Variants in ADAMTSL1 observed in about 807,000 individuals in gnomAD.
The protein encoded by ADAMTSL1 is ADAMTS like 1.
ADAMTSL1 carries 126 observed loss-of-function variants against 201.8 expected under a neutral mutation model. The observed-to-expected ratio is 0.62, with a 90% CI of 0.54 to 0.72. ADAMTSL1 has a LOEUF of 0.72. ADAMTSL1 is among the 30% of genes least tolerant of loss of function. The probability of loss-of-function intolerance (pLI) is 0.00; values close to 1 mark genes in which losing one functional copy is unlikely to be tolerated. For synonymous variants in ADAMTSL1, 1,121 were observed against 903.4 expected, an observed-to-expected ratio of 1.24 and a Z score of -4.32; for missense variants, 2,679 against 2,277.8, an observed-to-expected ratio of 1.18 and a Z score of -3.59.
intron 2 of ADAMTSL1, among the ~76,000 whole-genome samples, chr9:18,520,484 A>G (rs1818627054): frequency 6.6e-6 from 1 of 152,256 alleles, no homozygotes; most frequent in Non-Finnish European, 1.5e-5. Flanking sequence ...TCTATGCCAA[A>G]GAAACACTTT....
chr9:18,691,454 G>C (rs1003367638), intron 13 of ADAMTSL1, among the ~76,000 whole-genome samples: 2 of 152,130 alleles, frequency 1.3e-5, no homozygotes, highest in Non-Finnish European at 2.9e-5. Context: ...CAGATATTTT[G>C]TATCATTATG....
rs765006925 is a variant in ADAMTSL1, at chr9:18,616,513, G to A, written c.475-5730G>A. ...TTGGTACTTTAATTATGGTGCTCCC[G>A]AGTGGTTTTTGATTTATTCATTTAT... On this transcript the variant is annotated intron_variant, in intron 4 of 28. Transcript: ENST00000380548. Among the ~76,000 whole-genome samples, 5 of 152,146 alleles carry A rather than the reference G, an allele frequency of 3.3e-5. No homozygotes were observed. The East Asian group carries it at 5.8e-4, about 18-fold the overall frequency.
intron 2 of ADAMTSL1, among the ~76,000 whole-genome samples, chr9:18,264,654 A>G (rs183144647): frequency 4.3e-4 from 66 of 152,244 alleles, no homozygotes; most frequent in Admixed American, 1.2e-3. Context: ...GCCACAGGGA[A>G]TTTCCACTTC....
chr9:18,856,263 CT>C (rs1563862183), intron 23 of ADAMTSL1, among the ~76,000 whole-genome samples: 1 of 152,012 alleles, frequency 6.6e-6, no homozygotes, highest in South Asian at 2.1e-4. Flanking sequence ...GCAATCATTA[CT>C]TTTTTTCAGG....
At chr9:18,408,557 GA>G (rs1343117546) in intron 2 of ADAMTSL1, among the ~76,000 whole-genome samples, 13 of 152,126 alleles carry the variant, frequency 8.5e-5, no homozygotes, top group African/African-American at 2.9e-4. Context: ...ATACCATATA[GA>G]AAAAACAAGT....
At chr9:18,125,963 A>C (rs1401658681) in intron 1 of ADAMTSL1, among the ~76,000 whole-genome samples, 7 of 152,148 alleles carry the variant, frequency 4.6e-5, no homozygotes, top group Admixed American at 2.6e-4. Flanking sequence ...GTGACCTGGG[A>C]CAAACTATTC....
At chr9:18,127,364 G>C (rs1825775069) in intron 1 of ADAMTSL1, among the ~76,000 whole-genome samples, 1 of 152,088 alleles carries the variant, frequency 6.6e-6, no homozygotes, top group Non-Finnish European at 1.5e-5. Flanking sequence ...AAATGACTAT[G>C]GGTGTGGGCA....
chr9:18,188,056 G>T lies in ADAMTSL1; in HGVS notation c.207+24075G>T, dbSNP rs116552572. 4.1e-3 allele frequency among the ~76,000 whole-genome samples: 618 copies of T among 152,122 alleles called. 5 individuals are homozygous for T. Among genetic ancestry groups the T allele is most frequent in the African/African-American group, 0.014 (590 of 41,494 alleles). On this transcript the variant is annotated intron_variant, in intron 2 of 29. Coordinates refer to the ADAMTSL1 transcript ENST00000680146. ...ATTCATCCTTAGAGCTAGGTACAGA[G>T]GGACGGAAGATAAACAAAATATCAT...
chr9:18,010,231 G>A (rs1270302768), intron 1 of ADAMTSL1, among the ~76,000 whole-genome samples: 1 of 151,990 alleles, frequency 6.6e-6, no homozygotes. Context: ...TTAAGCATTA[G>A]AGATTAGCTC....
chr9:18,879,919 A>ATTAAG lies in ADAMTSL1; in HGVS notation c.4250-7909_4250-7905dup, dbSNP rs573690405. ...CTCAAACCCTGCCACTGCTTTATTAATTAAGTTTATATAATATTCTAAATC... is the reference window on the plus strand; with the variant it reads ...CTCAAACCCTGCCACTGCTTTATTAATTAAGTTAAGTTTATATAATATTCTAAATC... On this transcript the variant is annotated intron_variant, in intron 23 of 28. Transcript: ENST00000380548. Among the ~76,000 whole-genome samples, 4 of 152,328 alleles carry ATTAAG rather than the reference A, an allele frequency of 2.6e-5. 1 individual carries two copies. The South Asian group carries it at 8.3e-4, about 32-fold the overall frequency.
chr9:18,221,819 G>A (rs946878891), intron 2 of ADAMTSL1, among the ~76,000 whole-genome samples: 1 of 151,898 alleles, frequency 6.6e-6, no homozygotes, highest in Non-Finnish European at 1.5e-5. Context: ...ATTGGGGTTG[G>A]TGGCATTTTC....
intron 2 of ADAMTSL1, among the ~76,000 whole-genome samples, chr9:18,509,631 T>A (rs1267880924): frequency 6.6e-6 from 1 of 152,210 alleles, no homozygotes; most frequent in African/African-American, 2.4e-5. Flanking sequence ...CAGGCTAGCC[T>A]AGGCAAGTTC....
chr9:18,787,960 G>C (rs1191787014), intron 19 of ADAMTSL1, among the ~76,000 whole-genome samples: 3 of 152,130 alleles, frequency 2.0e-5, no homozygotes, highest in African/African-American at 7.2e-5. Flanking sequence ...GGAAGTTAAA[G>C]GGTCTGGCAA....
chr9:18,365,673 A>G (rs1836734752), intron 2 of ADAMTSL1, among the ~76,000 whole-genome samples: 2 of 152,170 alleles, frequency 1.3e-5, no homozygotes, highest in South Asian at 4.1e-4. Context: ...CCTAAAGTGG[A>G]AAAGGGAAAA....
chr9:17,950,109 G>A (rs985172797), intron 1 of ADAMTSL1, among the ~76,000 whole-genome samples: 5 of 151,966 alleles, frequency 3.3e-5, no homozygotes, highest in Non-Finnish European at 7.4e-5. Flanking sequence ...AAGTAGAGAT[G>A]GGGTTTTACC....
At chr9:18,907,236 TCAA>T in intron 28 of ADAMTSL1, 1 of 336,944 alleles carries the variant, frequency 3.0e-6, no homozygotes, top group Non-Finnish European at 5.4e-6. Flanking sequence ...GTCTGACTCA[TCAA>T]CAACTCTCAG....
At position 18,777,318 on chromosome 9, in the gene ADAMTSL1, A is replaced by G. The variant is rs541030528; in HGVS notation, c.3089A>G (p.Glu1030Gly). Residue 1030 changes from glutamate (E) to glycine (G), a missense_variant, in exon 19 of 29, where the codon GAG becomes GGG. Physicochemically the swap from Glu to Gly is moderately conservative, Grantham distance 98. Coordinates refer to ENST00000380548, the MANE Select transcript of ADAMTSL1 (RefSeq NM_001040272.6). Reference protein sequence around the residue: ...RYDDLVSRLLEQGGWPGELLA... With the variant: ...RYDDLVSRLLGQGGWPGELLA... Reference sequence around the variant, plus strand: ...GACGACCTCGTCTCCCGGCTGCTGGAGCAGGGCGGCTGGCCCGGAGAGCTG... The same window carrying G: ...GACGACCTCGTCTCCCGGCTGCTGGGGCAGGGCGGCTGGCCCGGAGAGCTG... The G allele has an allele frequency of 2.5e-6, 4 of 1,602,520 alleles. No individual in the cohort carries two copies. The highest frequency in any genetic ancestry group is 1.7e-6 in the Non-Finnish European group (2 of 1,174,760).
At chr9:18,736,021 G>A (rs747033068) in intron 15 of ADAMTSL1, among the ~76,000 whole-genome samples, 3 of 152,022 alleles carry the variant, frequency 2.0e-5, no homozygotes, top group African/African-American at 7.3e-5. Flanking sequence ...GATGAACAGA[G>A]TTTGCACAGT....
At chr9:18,375,597 T>C (rs1010365589) in intron 2 of ADAMTSL1, among the ~76,000 whole-genome samples, 3 of 152,176 alleles carry the variant, frequency 2.0e-5, no homozygotes, top group Non-Finnish European at 2.9e-5. Flanking sequence ...TCCGGTGAGT[T>C]TGTGGTCTCG....
Sources: gnomAD v4.1 joint callset for allele counts (sites outside exome capture counted in the v4.1 genomes callset) on GRCh38, gnomAD v4.1.1 for gene constraint, MANE v1.5 for transcripts, NCBI Gene and HGNC (gene_info 2026-07-23, HGNC 2026-07-21) for gene names.